The following STK3 variants were observed in gnomAD, a reference collection of about 807,000 sequenced individuals.
The protein encoded by STK3 is serine/threonine kinase 3.
STK3 carries 41 observed loss-of-function variants against 58.0 expected under a neutral mutation model. That is an observed-to-expected ratio of 0.71 (90% confidence interval 0.55 to 0.92). STK3 has a LOEUF of 0.92. STK3 is among the 40% of genes least tolerant of loss of function. STK3 has a pLI of 0.00. For missense variants in STK3, 479 were observed against 602.7 expected, an observed-to-expected ratio of 0.79 and a Z score of 2.15; for synonymous variants, 170 against 191.0, an observed-to-expected ratio of 0.89 and a Z score of 0.91.
intron 2 of STK3, among the ~76,000 whole-genome samples, chr8:98,375,091 C>CA (rs34424217): frequency 1.4e-3 from 62 of 44,040 alleles, no homozygotes; most frequent in African/African-American, 2.7e-3. Flanking sequence ...AAACAAACAA[C>CA]AAAAAAAAAA....
At chr8:98,912,393 A>C (rs1312105327) in intron 1 of STK3, among the ~76,000 whole-genome samples, 1 of 147,944 alleles carries the variant, frequency 6.8e-6, no homozygotes, top group Non-Finnish European at 1.5e-5. Flanking sequence ...CAACAACAAC[A>C]ACAATAACAA....
At position 98,633,782 on chromosome 8, in the gene STK3, G is replaced by A. The variant is rs1188687687; in HGVS notation, c.685-37613C>T. On this transcript the variant is annotated intron_variant, in intron 6 of 10. Transcript: ENST00000419617. ...CAGAGAAGAAGCTTTTTAAGCTCAA[G>A]CAAGTGTATGGTAAAGCAGACATGA... is the stretch of plus-strand genomic sequence containing the variant. The A allele has an allele frequency of 4.9e-5, 27 of 550,798 alleles. No individual in the cohort carries two copies. In the Admixed American group the frequency reaches 7.5e-4, roughly 15 times the overall value. The allele number at this position is 550,798 out of a possible 1,614,324, so 34.1% of individuals were successfully genotyped here. A position where few individuals can be genotyped will look rare whatever the true frequency, so the allele number is the denominator to read the frequency against.
At chr8:98,747,457 G>C (rs373997555) in intron 4 of STK3, among the ~76,000 whole-genome samples, 1 of 152,068 alleles carries the variant, frequency 6.6e-6, no homozygotes, top group Non-Finnish European at 1.5e-5. Context: ...TGTTAGACTC[G>C]TCAAATTTTT....
chr8:98,425,446 T>C (rs1385621213), intron 3 of STK3, among the ~76,000 whole-genome samples: 1 of 152,122 alleles, frequency 6.6e-6, no homozygotes, highest in African/African-American at 2.4e-5. Context: ...GAAGAAAAGT[T>C]TCCCAAAGCC....
intron 1 of STK3, among the ~76,000 whole-genome samples, chr8:98,885,984 T>C (rs1837973959): frequency 6.6e-6 from 1 of 152,196 alleles, no homozygotes; most frequent in Non-Finnish European, 1.5e-5. Context: ...ATTCCACTTA[T>C]ATAACATTCT....
At chr8:98,419,566 T>C (rs1165593490) in intron 3 of STK3, among the ~76,000 whole-genome samples, 1 of 152,184 alleles carries the variant, frequency 6.6e-6, no homozygotes, top group African/African-American at 2.4e-5. Context: ...CCAGGACTCC[T>C]AGAGAGCCTG....
At chr8:98,667,288 G>A (rs1331405550) in intron 6 of STK3, among the ~76,000 whole-genome samples, 2 of 152,042 alleles carry the variant, frequency 1.3e-5, no homozygotes, top group African/African-American at 4.8e-5. Context: ...TTAAAAAACA[G>A]AATGATTTCA....
intron 10 of STK3, among the ~76,000 whole-genome samples, chr8:98,481,176 T>C (rs1821821244): frequency 6.6e-6 from 1 of 151,912 alleles, no homozygotes; most frequent in Non-Finnish European, 1.5e-5. Flanking sequence ...AATGCTAGAA[T>C]GAGGGCTAGG....
intron 3 of STK3, among the ~76,000 whole-genome samples, chr8:98,872,936 G>A (rs1837432575): frequency 1.3e-5 from 2 of 152,160 alleles, no homozygotes; most frequent in Non-Finnish European, 2.9e-5. Flanking sequence ...ATTTTAAGGT[G>A]TCGATTTCAG....
intron 8 of STK3, among the ~76,000 whole-genome samples, chr8:98,560,080 A>G (rs1811892160): frequency 6.6e-6 from 1 of 152,132 alleles, no homozygotes; most frequent in Non-Finnish European, 1.5e-5. Flanking sequence ...TTAGATTGCA[A>G]TCTTCTTATA....
intron 4 of STK3, among the ~76,000 whole-genome samples, chr8:98,730,264 A>G (rs1828078940): frequency 6.6e-6 from 1 of 152,220 alleles, no homozygotes. Context: ...TCAAGAAAAT[A>G]TACAAATCAT....
rs373399577 is a variant in STK3 at position 98,754,257 on chromosome 8, C to CAA, written c.237-4869_237-4868dup. Among the ~76,000 whole-genome samples, 941 of 145,468 alleles carry CAA rather than the reference C, an allele frequency of 6.5e-3. 5 individuals are homozygous for CAA. The highest frequency in any genetic ancestry group is 0.022 in the African/African-American group (882 of 39,908). On this transcript the variant is annotated intron_variant, in intron 3 of 10. Transcript: ENST00000419617. ...ACTTAGAACTGCAACATATGAGAAACAAAAAAAAAAATTCTTTACATGTAC... is the reference window on the plus strand; with the variant it reads ...ACTTAGAACTGCAACATATGAGAAACAAAAAAAAAAAAATTCTTTACATGTAC...
chr8:98,914,490 ACACTCTCT>A (rs752558818), intron 1 of STK3, among the ~76,000 whole-genome samples: 5 of 123,012 alleles, frequency 4.1e-5, no homozygotes, highest in Admixed American at 7.7e-5. Context: ...ACACACACAC[ACACTCTCT>A]CTCTCTCTCT....
chr8:98,936,763 G>C (rs1441185761), intron 1 of STK3, among the ~76,000 whole-genome samples: 4 of 152,162 alleles, frequency 2.6e-5, no homozygotes, highest in Non-Finnish European at 5.9e-5. Flanking sequence ...ACTTTTCCAG[G>C]AAAAGAAAAA....
chr8:98,392,630 C>G (rs908188534), upstream of STK3, among the ~76,000 whole-genome samples: 3 of 152,200 alleles, frequency 2.0e-5, no homozygotes, highest in East Asian at 5.8e-4. Context: ...GTGGCTAATG[C>G]CTGCCCTTGG....
At chr8:98,833,385 G>C (rs932235006) in intron 3 of STK3, among the ~76,000 whole-genome samples, 1 of 152,138 alleles carries the variant, frequency 6.6e-6, no homozygotes. Context: ...GAGCCTCCAG[G>C]TAGCTGACTT....
At chr8:98,356,062 C>T in the STK3 span, among the ~76,000 whole-genome samples, 15 of 152,172 alleles carry the variant, frequency 9.9e-5, no homozygotes, top group African/African-American at 3.6e-4. Flanking sequence ...TTTGTGAGTG[C>T]TTGTTACTGC....
chr8:98,765,309 G>A (rs563333064), intron 3 of STK3, among the ~76,000 whole-genome samples: 2 of 152,142 alleles, frequency 1.3e-5, no homozygotes, highest in South Asian at 4.1e-4. Flanking sequence ...CATGCTATGG[G>A]AAATATGTAA....
chr8:98,694,332 C>T (rs777837115), intron 6 of STK3, among the ~76,000 whole-genome samples: 2 of 151,726 alleles, frequency 1.3e-5, no homozygotes, highest in Non-Finnish European at 2.9e-5. Flanking sequence ...GAGATAGAGA[C>T]CTTTTTTTAG....
Sources: allele counts gnomAD v4.1 joint callset (sites outside exome capture counted in the v4.1 genomes callset), GRCh38; gene constraint gnomAD v4.1.1; transcripts MANE v1.5; gene names NCBI Gene and HGNC (gene_info 2026-07-23, HGNC 2026-07-21).